PDE11A: variants seen among roughly 807,000 people sequenced by gnomAD.
PDE11A encodes phosphodiesterase 11A, also known as dual 3',5'-cyclic-AMP and -GMP phosphodiesterase 11A.
PDE11A carries 100 observed loss-of-function variants against 100.5 expected under a neutral mutation model. The observed-to-expected ratio is 1.00, with a 90% CI of 0.85 to 1.18. PDE11A has a LOEUF of 1.18. Ranked by LOEUF, PDE11A falls within the 50% of genes most tolerant of loss-of-function variation. The pLI, the probability that PDE11A is intolerant of heterozygous loss-of-function variation, is 0.00. For synonymous variants in PDE11A, 381 were observed against 420.8 expected, an observed-to-expected ratio of 0.91 and a Z score of 1.16; for missense variants, 1,141 against 1,152.6, an observed-to-expected ratio of 0.99 and a Z score of 0.15.
At chr2:177,674,341 T>A (rs1394797268) in intron 17 of PDE11A, among the ~76,000 whole-genome samples, 3 of 152,040 alleles carry the variant, frequency 2.0e-5, no homozygotes, top group South Asian at 4.2e-4. Context: ...AGGCCGGGAG[T>A]TCTACATCAG....
chr2:177,625,945 C>T lies in PDE11A; in HGVS notation c.*3462G>A, dbSNP rs890815698. The T allele has an allele frequency of 6.6e-6, 1 of 152,566 alleles. No individual in the cohort carries two copies. The highest frequency in any genetic ancestry group is 2.4e-5 in the African/African-American group (1 of 41,432). The allele number at this position is 152,566 out of a possible 1,614,324, so 9.5% of individuals were successfully genotyped here. On this transcript the variant is annotated 3_prime_UTR_variant, in exon 20 of 20. Coordinates refer to ENST00000286063, the MANE Select transcript of PDE11A (RefSeq NM_016953.4). ...TGGCATTAGTCAGCAGTTTCTAAAT[C>T]TTGACCCACAATAGGAAAGATACCT...
chr2:177,748,903 C>A (rs541076598), intron 10 of PDE11A, among the ~76,000 whole-genome samples: 2 of 152,124 alleles, frequency 1.3e-5, no homozygotes, highest in East Asian at 3.9e-4. Flanking sequence ...ATATAAAACA[C>A]CTGCAGGTAG....
rs2082278558 is a variant in PDE11A at position 177,769,322 on chromosome 2, C to A, written c.1788+1G>T. 1.3e-6 allele frequency: 2 copies of A among 1,580,072 alleles called. No individual in the cohort carries two copies. The highest frequency in any genetic ancestry group is 8.7e-7 in the Non-Finnish European group (1 of 1,149,044). Reference sequence around the variant, plus strand: ...AATAAGGAAACCATTTTCTTCCTTACCTTAAACTTGTCAACTTCAGCTTTT... The same window carrying A: ...AATAAGGAAACCATTTTCTTCCTTAACTTAAACTTGTCAACTTCAGCTTTT... On this transcript the variant is annotated splice_donor_variant, in intron 10 of 19. Transcript: ENST00000286063. LOFTEE classifies it high-confidence loss of function.
intron 2 of PDE11A, among the ~76,000 whole-genome samples, chr2:177,955,910 C>T (rs1224690705): frequency 3.3e-5 from 5 of 152,120 alleles, no homozygotes; most frequent in Non-Finnish European, 7.4e-5. Flanking sequence ...AAAATTAATT[C>T]AAGATGGATT....
chr2:177,974,363 G>A lies in PDE11A; in HGVS notation c.1071+39939C>T, dbSNP rs1474522455. On this transcript the variant is annotated intron_variant, in intron 2 of 19. Coordinates refer to ENST00000286063, the MANE Select transcript of PDE11A (RefSeq NM_016953.4). ...CAATGGAAGATGAAATGAATGAAAT[G>A]AAGCGAGAAGGGAAGTTTAGAGAAA... 4.3e-5 allele frequency among the ~76,000 whole-genome samples: 2 copies of A among 46,706 alleles called. 1 individual carries two copies. The highest frequency in any genetic ancestry group is 7.0e-5 in the Non-Finnish European group (2 of 28,512). The allele number at this position is 46,706 out of a possible 152,430, so 30.6% of individuals were successfully genotyped here.
intron 2 of PDE11A, among the ~76,000 whole-genome samples, chr2:177,927,827 G>A (rs9973525): frequency 0.039 from 5,961 of 152,108 alleles, 406 homozygotes; most frequent in African/African-American, 0.14. Flanking sequence ...AACATAGTCC[G>A]GATACGGTGG....
At chr2:178,014,817 T>C (rs1184413916) in intron 1 of PDE11A, among the ~76,000 whole-genome samples, 3 of 152,014 alleles carry the variant, frequency 2.0e-5, no homozygotes, top group Admixed American at 1.3e-4. Flanking sequence ...GAGAAATATA[T>C]ACTAAACACT....
chr2:177,846,925 A>G (rs2083610718), intron 5 of PDE11A, among the ~76,000 whole-genome samples: 1 of 152,180 alleles, frequency 6.6e-6, no homozygotes, highest in South Asian at 2.1e-4. Flanking sequence ...TTTACTTTCT[A>G]ATAGTCATCA....
intron 2 of PDE11A, chr2:177,998,286 A>G: frequency 1.2e-6 from 1 of 826,578 alleles, no homozygotes; most frequent in Non-Finnish European, 2.2e-6. Flanking sequence ...TTCATCTGGT[A>G]AAGTCTTAAG....
At chr2:177,893,309 T>G (rs1192493445) in intron 4 of PDE11A, among the ~76,000 whole-genome samples, 1 of 152,236 alleles carries the variant, frequency 6.6e-6, no homozygotes, top group Admixed American at 6.5e-5. Flanking sequence ...ATTTATTGAT[T>G]GATTGATTTT....
At chr2:177,815,392 A>C (rs886454960) in intron 9 of PDE11A, among the ~76,000 whole-genome samples, 8 of 152,176 alleles carry the variant, frequency 5.3e-5, no homozygotes, top group African/African-American at 1.9e-4. Context: ...TGCTATACTA[A>C]TGATTCTTAT....
chr2:178,090,965 A>G (rs920226824), intron 2 of PDE11A, among the ~76,000 whole-genome samples: 2 of 152,224 alleles, frequency 1.3e-5, no homozygotes, highest in African/African-American at 4.8e-5. Flanking sequence ...CTGGGCACTT[A>G]GCAGATTTAA....
intron 5 of PDE11A, among the ~76,000 whole-genome samples, chr2:177,865,274 T>A (rs2084008373): frequency 6.6e-6 from 1 of 151,950 alleles, no homozygotes. Flanking sequence ...TGAGACTCCA[T>A]CCCCTGCATC....
chr2:177,664,320 G>A (rs2080535906), intron 18 of PDE11A, among the ~76,000 whole-genome samples: 4 of 152,126 alleles, frequency 2.6e-5, no homozygotes, highest in Admixed American at 2.6e-4. Context: ...TTTTATTTCT[G>A]CATTATGAGA....
intron 2 of PDE11A, among the ~76,000 whole-genome samples, chr2:177,911,028 G>A (rs965688587): frequency 4.6e-5 from 7 of 152,116 alleles, no homozygotes; most frequent in Non-Finnish European, 1.0e-4. Context: ...GTGAAAAAAA[G>A]GTTTTCCCAC....
chr2:177,707,870 G>T (rs1031120503), intron 13 of PDE11A, among the ~76,000 whole-genome samples: 12 of 152,112 alleles, frequency 7.9e-5, no homozygotes, highest in African/African-American at 2.9e-4. Context: ...TAAGTATTGG[G>T]CACTTCACTC....
rs530597342 is a variant in PDE11A at position 177,759,899 on chromosome 2, TTC to T, written c.1788+9422_1788+9423del. 8.3e-3 allele frequency among the ~76,000 whole-genome samples: 1,258 copies of T among 152,258 alleles called. 6 individuals are homozygous for T. Among genetic ancestry groups the T allele is most frequent in the Middle Eastern group, 0.017 (5 of 294 alleles). On this transcript the variant is annotated intron_variant, in intron 10 of 19. Coordinates refer to ENST00000286063, the MANE Select transcript of PDE11A (RefSeq NM_016953.4). ...TCAATATGTTGAGTTCAGCCAACAA[TTC>T]TGTCTTTCTCAGACGTCATTACCAT...
Position 177,816,907 on chromosome 2 carries a change from A to G in PDE11A, c.1659T>C (p.Phe553=). ...TTGTGTTGTTGATGCCAAGTCCACA[A>G]AAGATGACAAAAGCCTAGGAAAGAG... ...DQRLFEAFVI[F]CGLGINNTIM... The change falls in exon 9 of 20, where the codon TTT becomes TTC. Residue 553 remains phenylalanine (F), a synonymous_variant. Coordinates refer to ENST00000286063, the MANE Select transcript of PDE11A (RefSeq NM_016953.4). 1 of 1,605,042 alleles carries G rather than the reference A, an allele frequency of 6.2e-7. No individual in the cohort carries two copies. The highest frequency in any genetic ancestry group is 8.5e-7 in the Non-Finnish European group (1 of 1,171,934).
chr2:178,052,515 G>C (rs1271668577), intron 1 of PDE11A, among the ~76,000 whole-genome samples: 3 of 151,254 alleles, frequency 2.0e-5, no homozygotes, highest in Admixed American at 6.6e-5. Context: ...ACTAAGATCA[G>C]AGCAGAACTG....
Sources: allele counts gnomAD v4.1 joint callset (sites outside exome capture counted in the v4.1 genomes callset), GRCh38; gene constraint gnomAD v4.1.1; transcripts MANE v1.5; gene names NCBI Gene and HGNC (gene_info 2026-07-23, HGNC 2026-07-21).